Variants in GRM5 observed in about 807,000 individuals in gnomAD.
GRM5 encodes the protein glutamate metabotropic receptor 5, also known as metabotropic glutamate receptor 5.
GRM5 carries 19 observed loss-of-function variants against 83.1 expected under a neutral mutation model. That is an observed-to-expected ratio of 0.23 (90% CI 0.16 to 0.34). The LOEUF (loss-of-function observed/expected upper bound fraction) is 0.34, where lower values mean the gene tolerates loss of function less well. Among genes scored for constraint, GRM5 ranks in the 10% least tolerant of loss-of-function variants. The probability of loss-of-function intolerance (pLI) is 1.00; values close to 1 mark genes in which losing one functional copy is unlikely to be tolerated. For missense variants in GRM5, 1,160 were observed against 1,588.3 expected (o/e 0.73, Z 4.58); for synonymous variants, 675 against 633.6 (o/e 1.07, Z -0.98).
At chr11:88,815,940 G>T (rs569970291) in intron 3 of GRM5, among the ~76,000 whole-genome samples, 1 of 148,574 alleles carries the variant, frequency 6.7e-6, no homozygotes, top group Admixed American at 6.6e-5. Flanking sequence ...GAGGCCGGGC[G>T]CGGTGGCTCA....
intron 2 of GRM5, among the ~76,000 whole-genome samples, chr11:89,043,941 T>C (rs1941586925): frequency 6.6e-6 from 1 of 152,138 alleles, no homozygotes; most frequent in African/African-American, 2.4e-5. Flanking sequence ...CAAGTGCTAT[T>C]GGTCAAAGTG....
At chr11:88,718,115 T>C (rs1941440576) in intron 3 of GRM5, among the ~76,000 whole-genome samples, 1 of 151,888 alleles carries the variant, frequency 6.6e-6, no homozygotes, top group African/African-American at 2.4e-5. Context: ...CTTTCCAGAA[T>C]TAATTCTTAA....
intron 3 of GRM5, among the ~76,000 whole-genome samples, chr11:88,703,311 C>G (rs1941078367): frequency 6.6e-6 from 1 of 152,074 alleles, no homozygotes; most frequent in South Asian, 2.1e-4. Context: ...ATTTATTTTA[C>G]TATACTCTAA....
At chr11:88,663,680 T>G (rs1003615218) in intron 3 of GRM5, among the ~76,000 whole-genome samples, 2 of 152,180 alleles carry the variant, frequency 1.3e-5, no homozygotes, top group African/African-American at 4.8e-5. Context: ...CTTGTAAATT[T>G]TTATCAGTGG....
chr11:88,859,065 C>T (rs1944520064), intron 2 of GRM5, among the ~76,000 whole-genome samples: 1 of 151,900 alleles, frequency 6.6e-6, no homozygotes, highest in African/African-American at 2.4e-5. Flanking sequence ...GGAAAAGAAA[C>T]TGTTTTTACA....
chr11:88,756,784 G>C (rs763361594), intron 3 of GRM5, among the ~76,000 whole-genome samples: 3 of 152,016 alleles, frequency 2.0e-5, no homozygotes, highest in Non-Finnish European at 4.4e-5. Flanking sequence ...AAAGATAAGG[G>C]ACCTATCTGT....
At chr11:88,780,130 C>G (rs1942944866) in intron 3 of GRM5, among the ~76,000 whole-genome samples, 1 of 152,104 alleles carries the variant, frequency 6.6e-6, no homozygotes, top group African/African-American at 2.4e-5. Flanking sequence ...CTCATGGTAT[C>G]CTGTTTTCCT....
intron 2 of GRM5, among the ~76,000 whole-genome samples, chr11:88,908,234 CCT>C (rs1226271536): frequency 7.9e-5 from 12 of 152,174 alleles, no homozygotes; most frequent in African/African-American, 2.2e-4. Context: ...CCTACTCTCC[CCT>C]GTCTTCTACC....
chr11:88,987,646 C>G (rs7113803), intron 2 of GRM5, among the ~76,000 whole-genome samples: 3 of 151,742 alleles, frequency 2.0e-5, no homozygotes, highest in African/African-American at 7.3e-5. Flanking sequence ...GTTCTCCCAG[C>G]ACGCAGCTGG....
intron 4 of GRM5, among the ~76,000 whole-genome samples, chr11:88,611,538 A>G (rs948806838): frequency 1.2e-4 from 18 of 152,116 alleles, no homozygotes; most frequent in African/African-American, 3.9e-4. Flanking sequence ...GATATTTTGT[A>G]TGTCCGTGGG....
chr11:88,648,653 T>TA lies in GRM5; in HGVS notation c.1147+4514dup, dbSNP rs66739287. On this transcript the variant is annotated intron_variant, in intron 4 of 9. Transcript: ENST00000305447. ...ATGTACCCTAAAACTTAAAGTATAA[T>TA]AAAAAAAAAAAAAGATTTTCAAGAG... Among the ~76,000 whole-genome samples, 838 of 148,534 alleles carry TA rather than the reference T, an allele frequency of 5.6e-3. 7 individuals are homozygous for TA. The highest frequency in any genetic ancestry group is 0.02 in the African/African-American group (800 of 40,020).
At chr11:88,529,995 T>A (rs1941971061) in intron 8 of GRM5, among the ~76,000 whole-genome samples, 1 of 152,024 alleles carries the variant, frequency 6.6e-6, no homozygotes, top group African/African-American at 2.4e-5. Flanking sequence ...AGCAGACACA[T>A]GAGTATAAAC....
At chr11:89,009,145 G>GT (rs1565333364) in intron 2 of GRM5, 1 of 696,126 alleles carries the variant, frequency 1.4e-6, no homozygotes, top group Non-Finnish European at 2.6e-6. Flanking sequence ...ATAAGCAAAG[G>GT]TTTTATAAGT....
At chr11:88,822,432 G>A (rs1943815287) in intron 3 of GRM5, among the ~76,000 whole-genome samples, 1 of 150,532 alleles carries the variant, frequency 6.6e-6, no homozygotes, top group African/African-American at 2.4e-5. Flanking sequence ...AGGTAGCAAG[G>A]GAAGACTTCA....
At chr11:89,025,966 A>G (rs971013497) in intron 2 of GRM5, among the ~76,000 whole-genome samples, 4 of 152,260 alleles carry the variant, frequency 2.6e-5, no homozygotes, top group Admixed American at 2.6e-4. Flanking sequence ...GATTTAAAAA[A>G]TGCGGTACAT....
intron 2 of GRM5, among the ~76,000 whole-genome samples, chr11:88,925,041 G>T (rs1192280935): frequency 6.6e-6 from 1 of 151,900 alleles, no homozygotes; most frequent in East Asian, 1.9e-4. Context: ...GAGTTATAAG[G>T]ATCATGTGTT....
chr11:88,532,629 A>T (rs998332467), intron 8 of GRM5, among the ~76,000 whole-genome samples: 1 of 152,180 alleles, frequency 6.6e-6, no homozygotes, highest in African/African-American at 2.4e-5. Context: ...GAATACCTCC[A>T]TGAATAAATG....
At chr11:88,583,670 C>G (rs1270673448) in intron 7 of GRM5, among the ~76,000 whole-genome samples, 1 of 152,124 alleles carries the variant, frequency 6.6e-6, no homozygotes, top group Non-Finnish European at 1.5e-5. Flanking sequence ...CTTTAGAGCT[C>G]TTACTACTTA....
chr11:88,975,156 T>G (rs2135012241), intron 2 of GRM5, among the ~76,000 whole-genome samples: 1 of 152,270 alleles, frequency 6.6e-6, no homozygotes, highest in East Asian at 1.9e-4. Flanking sequence ...AGGTGCTAGT[T>G]AAAGCTTGTG....
Sources: gnomAD v4.1 joint callset for allele counts (sites outside exome capture counted in the v4.1 genomes callset) on GRCh38, gnomAD v4.1.1 for gene constraint, MANE v1.5 for transcripts, NCBI Gene and HGNC (gene_info 2026-07-23, HGNC 2026-07-21) for gene names.